Variants in ITGBL1 observed in about 807,000 individuals in gnomAD.
ITGBL1 encodes the protein integrin subunit beta like 1, also known as integrin beta-like protein 1.
A neutral mutation model predicts 68.5 loss-of-function variants in ITGBL1; 51 were observed. The observed-to-expected ratio is 0.74, with a 90% CI of 0.59 to 0.94. The LOEUF (loss-of-function observed/expected upper bound fraction) is 0.94. Ranked by LOEUF, ITGBL1 falls within the 40% of genes least tolerant of loss-of-function variation. ITGBL1 has a pLI of 0.00. For synonymous variants in ITGBL1, 209 were observed against 227.3 expected, an observed-to-expected ratio of 0.92 and a Z score of 0.72; for missense variants, 649 against 647.4, an observed-to-expected ratio of 1.00 and a Z score of -0.03.
chr13:101,567,879 G>T, intron 3 of ITGBL1, 34 bp downstream of exon 3: 1 of 1,572,696 alleles, frequency 6.4e-7, no homozygotes, highest in Non-Finnish European at 8.7e-7. Flanking sequence ...TTGTTAAGTG[G>T]AATAATCAAA....
chr13:101,497,968 T>TG (rs990307611), intron 2 of ITGBL1, among the ~76,000 whole-genome samples: 3 of 152,082 alleles, frequency 2.0e-5, no homozygotes, highest in African/African-American at 7.2e-5. Context: ...CAGCCGAGGT[T>TG]GGGGGAGATT....
intron 7 of ITGBL1, among the ~76,000 whole-genome samples, chr13:101,615,271 A>G (rs1031336910): frequency 1.3e-5 from 2 of 152,068 alleles, no homozygotes; most frequent in African/African-American, 2.4e-5. Context: ...CCCTAAATCC[A>G]GGATGATTCA....
chr13:101,571,189 A>G (rs1455273044), intron 3 of ITGBL1, among the ~76,000 whole-genome samples: 1 of 151,996 alleles, frequency 6.6e-6, no homozygotes, highest in Admixed American at 6.6e-5. Flanking sequence ...CCACCAACAT[A>G]TTTACTTATT....
chr13:101,585,195 T>G (rs542241166), intron 6 of ITGBL1, among the ~76,000 whole-genome samples: 10 of 152,146 alleles, frequency 6.6e-5, no homozygotes, highest in Non-Finnish European at 1.5e-4. Context: ...ATTTCTAGTC[T>G]GAGTGTCTGG....
At chr13:101,602,053 A>G (rs1348520420) in intron 7 of ITGBL1, among the ~76,000 whole-genome samples, 1 of 151,970 alleles carries the variant, frequency 6.6e-6, no homozygotes, top group East Asian at 1.9e-4. Flanking sequence ...AGACACTCTC[A>G]CTCACTGTCA....
chr13:101,551,666 A>G (rs931520809), intron 2 of ITGBL1, among the ~76,000 whole-genome samples: 4 of 152,158 alleles, frequency 2.6e-5, no homozygotes, highest in Non-Finnish European at 5.9e-5. Flanking sequence ...AGAAGTGAGG[A>G]TGATTATGTT....
intron 2 of ITGBL1, among the ~76,000 whole-genome samples, chr13:101,526,330 G>A (rs1393067907): frequency 8.6e-5 from 13 of 151,378 alleles, no homozygotes; most frequent in East Asian, 3.9e-4. Flanking sequence ...GACAGGCCCC[G>A]GTGTGTGATG....
intron 2 of ITGBL1, among the ~76,000 whole-genome samples, chr13:101,521,742 A>T (rs1023557985): frequency 6.6e-6 from 1 of 152,110 alleles, no homozygotes; most frequent in Non-Finnish European, 1.5e-5. Context: ...TTCCTGATGT[A>T]TCCATTTACA....
chr13:101,586,154 G>A (rs2050553568), intron 6 of ITGBL1, among the ~76,000 whole-genome samples: 1 of 152,136 alleles, frequency 6.6e-6, no homozygotes, highest in Admixed American at 6.5e-5. Flanking sequence ...GGCTGCACTG[G>A]AATCTAATTT....
chr13:101,695,417 G>A (rs781565683), intron 8 of ITGBL1, among the ~76,000 whole-genome samples: 2 of 152,132 alleles, frequency 1.3e-5, no homozygotes, highest in South Asian at 2.1e-4. Flanking sequence ...AGAGTGTGAC[G>A]TGTTTTGTAA....
At chr13:101,534,768 G>A (rs2049542989) in intron 2 of ITGBL1, among the ~76,000 whole-genome samples, 1 of 152,156 alleles carries the variant, frequency 6.6e-6, no homozygotes, top group Admixed American at 6.6e-5. Context: ...GGCTTATTAA[G>A]CTGTGTTGAG....
intron 7 of ITGBL1, among the ~76,000 whole-genome samples, chr13:101,600,414 T>C (rs1444198440): frequency 3.9e-5 from 6 of 152,334 alleles, no homozygotes; most frequent in Non-Finnish European, 7.3e-5. Flanking sequence ...CTTTTCCTAA[T>C]TGAATGCCGT....
At chr13:101,575,594 C>A (rs1400781708) in intron 4 of ITGBL1, 48 bp downstream of exon 4, 2 of 1,570,332 alleles carry the variant, frequency 1.3e-6, no homozygotes, top group Non-Finnish European at 1.7e-6. Flanking sequence ...CTGTTTTTTT[C>A]ACCTATTTCA....
chr13:101,561,738 C>T (rs182942978), intron 2 of ITGBL1, among the ~76,000 whole-genome samples: 2 of 152,060 alleles, frequency 1.3e-5, no homozygotes, highest in Non-Finnish European at 2.9e-5. Flanking sequence ...AATTCTATAT[C>T]CAGCAAAAAG....
At chr13:101,474,140 T>C (rs1277945718) in intron 2 of ITGBL1, among the ~76,000 whole-genome samples, 1 of 152,150 alleles carries the variant, frequency 6.6e-6, no homozygotes, top group African/African-American at 2.4e-5. Flanking sequence ...AGTGAATCCC[T>C]GGGGTCCCCA....
chr13:101,576,505 A>C (rs2050361731), intron 4 of ITGBL1, among the ~76,000 whole-genome samples: 2 of 152,068 alleles, frequency 1.3e-5, no homozygotes, highest in Non-Finnish European at 2.9e-5. Context: ...CTTATATTTC[A>C]CTCCTATCTC....
intron 7 of ITGBL1, among the ~76,000 whole-genome samples, chr13:101,605,429 G>GGC (rs2030726237): frequency 1.0e-5 from 1 of 97,448 alleles, no homozygotes; most frequent in Non-Finnish European, 2.0e-5. Flanking sequence ...CACATATATA[G>GGC]ACATGTATAT....
intron 2 of ITGBL1, among the ~76,000 whole-genome samples, chr13:101,544,613 T>C (rs1364990972): frequency 6.6e-6 from 1 of 152,204 alleles, no homozygotes; most frequent in South Asian, 2.1e-4. Flanking sequence ...CTGCAGAGGA[T>C]TCTGCTGCCT....
intron 7 of ITGBL1, among the ~76,000 whole-genome samples, chr13:101,615,333 AC>A (rs1339297918): frequency 1.3e-5 from 2 of 152,072 alleles, no homozygotes; most frequent in East Asian, 3.9e-4. Context: ...ATGAGGTGAC[AC>A]CCTGGGGTCC....
Sources: allele counts gnomAD v4.1 joint callset (sites outside exome capture counted in the v4.1 genomes callset), GRCh38; gene constraint gnomAD v4.1.1; transcripts MANE v1.5; gene names NCBI Gene and HGNC (gene_info 2026-07-23, HGNC 2026-07-21).